Variants in CDYL2 observed in about 807,000 individuals in gnomAD.
The protein encoded by CDYL2 is chromodomain Y like 2.
CDYL2 carries 23 observed loss-of-function variants against 49.4 expected under a neutral mutation model. That is an observed-to-expected ratio of 0.47 (90% CI 0.34 to 0.66). The LOEUF is 0.66. CDYL2 is among the 30% of genes least tolerant of loss of function. The pLI, the probability that CDYL2 is intolerant of heterozygous loss-of-function variation, is 0.01. For missense variants in CDYL2, 678 were observed against 656.4 expected (o/e 1.03, Z -0.36); for synonymous variants, 360 against 268.8 (o/e 1.34, Z -3.32).
chr16:80,750,680 C>A (rs2142562544), intron 1 of CDYL2, among the ~76,000 whole-genome samples: 1 of 152,140 alleles, frequency 6.6e-6, no homozygotes, highest in South Asian at 2.1e-4. Flanking sequence ...TGCCAAAGAA[C>A]AACTATGAAG....
intron 1 of CDYL2, among the ~76,000 whole-genome samples, chr16:80,707,789 C>G (rs1347576314): frequency 1.3e-5 from 2 of 152,176 alleles, no homozygotes; most frequent in African/African-American, 2.4e-5. Flanking sequence ...TACAGTTTAT[C>G]TGAACCCTGG....
intron 1 of CDYL2, among the ~76,000 whole-genome samples, chr16:80,719,101 G>A (rs1007527581): frequency 8.5e-5 from 13 of 152,142 alleles, no homozygotes; most frequent in Non-Finnish European, 2.9e-5. Context: ...CATTCCTTCA[G>A]CAAGTACTGA....
intron 6 of CDYL2, among the ~76,000 whole-genome samples, chr16:80,605,812 C>A (rs190930073): frequency 1.6e-4 from 25 of 152,278 alleles, no homozygotes; most frequent in Non-Finnish European, 2.8e-4. Context: ...AAATACTTTT[C>A]CTGAATTCTT....
At chr16:80,711,247 G>A (rs1245918947) in intron 1 of CDYL2, among the ~76,000 whole-genome samples, 1 of 152,200 alleles carries the variant, frequency 6.6e-6, no homozygotes, top group East Asian at 1.9e-4. Flanking sequence ...AACAAGAAGT[G>A]GGGCATTTTC....
At chr16:80,624,973 A>G (rs2123280) in intron 3 of CDYL2, among the ~76,000 whole-genome samples, 13,451 of 152,256 alleles carry the variant, frequency 0.088, 1,172 homozygotes, top group East Asian at 0.3. Flanking sequence ...TTGGTGCTGT[A>G]GGGATTCTAT....
At chr16:80,625,750 C>T (rs13329877) in intron 3 of CDYL2, among the ~76,000 whole-genome samples, 63,803 of 151,948 alleles carry the variant, frequency 0.42, 15,525 homozygotes, top group African/African-American at 0.68. Flanking sequence ...AATATTTAAC[C>T]GGAGGCAAAT....
intron 1 of CDYL2, among the ~76,000 whole-genome samples, chr16:80,741,846 T>C (rs1242129254): frequency 6.6e-6 from 1 of 152,238 alleles, no homozygotes; most frequent in Non-Finnish European, 1.5e-5. Context: ...TGGACTAATT[T>C]ACAACATTCC....
intron 2 of CDYL2, among the ~76,000 whole-genome samples, chr16:80,677,271 CA>C (rs1307762816): frequency 1.3e-5 from 2 of 152,114 alleles, no homozygotes; most frequent in East Asian, 3.9e-4. Context: ...ACTCCTGGCC[CA>C]ATTTCTTTAA....
At chr16:80,711,049 A>T (rs942685149) in intron 1 of CDYL2, among the ~76,000 whole-genome samples, 2 of 152,236 alleles carry the variant, frequency 1.3e-5, no homozygotes, top group African/African-American at 4.8e-5. Context: ...TGGAAACAAT[A>T]GTCCCTTTGC....
At chr16:80,799,113 A>G (rs1378912801) in intron 1 of CDYL2, among the ~76,000 whole-genome samples, 1 of 152,138 alleles carries the variant, frequency 6.6e-6, no homozygotes, top group Non-Finnish European at 1.5e-5. Flanking sequence ...TTTAAATTAC[A>G]TAAACATGTG....
chr16:80,658,854 G>C (rs1597153792), intron 2 of CDYL2, among the ~76,000 whole-genome samples: 1 of 151,684 alleles, frequency 6.6e-6, no homozygotes, highest in East Asian at 1.9e-4. Context: ...CTTTGGGCTA[G>C]AAAATCTTAT....
At chr16:80,765,325 A>T (rs1906683150) in intron 1 of CDYL2, among the ~76,000 whole-genome samples, 1 of 151,810 alleles carries the variant, frequency 6.6e-6, no homozygotes, top group Non-Finnish European at 1.5e-5. Context: ...TGTAAGTTTA[A>T]AGGTTATGAC....
intron 1 of CDYL2, among the ~76,000 whole-genome samples, chr16:80,724,531 C>T (rs1312329289): frequency 6.6e-6 from 1 of 152,204 alleles, no homozygotes; most frequent in Non-Finnish European, 1.5e-5. Context: ...TAACACTCTC[C>T]ACCCACCTCA....
intron 3 of CDYL2, chr16:80,628,378 G>C (rs1368164736): frequency 2.0e-5 from 3 of 152,202 alleles, no homozygotes; most frequent in East Asian, 3.8e-4. Flanking sequence ...CTCTTTCTTG[G>C]AGTTCTTGCT....
chr16:80,599,827 T>C lies in CDYL2; in HGVS notation c.*4561A>G, dbSNP rs1180053430. The C allele has an allele frequency of 6.6e-6, 1 of 152,176 alleles. No individual in the cohort carries two copies. The highest frequency in any genetic ancestry group is 2.4e-5 in the African/African-American group (1 of 41,442). 9.4% of individuals were successfully genotyped at this position (152,176 alleles called of 1,614,324 possible). On this transcript the variant is annotated 3_prime_UTR_variant, in exon 7 of 7. Coordinates refer to ENST00000570137, the MANE Select transcript of CDYL2 (RefSeq NM_152342.4). ...CTAAACCATGTTTACAGTATGAAGG[T>C]GTCTCTGGAAAACCTATCCTTGGTC... is the stretch of plus-strand genomic sequence containing the variant.
chr16:80,720,678 A>C (rs531895258), intron 1 of CDYL2, among the ~76,000 whole-genome samples: 152 of 152,264 alleles, frequency 1.0e-3, no homozygotes, highest in African/African-American at 3.5e-3. Context: ...TTCAGGGTGC[A>C]TTTTCCTCTT....
intron 3 of CDYL2, among the ~76,000 whole-genome samples, chr16:80,629,089 T>C (rs1172642743): frequency 6.6e-6 from 1 of 152,100 alleles, no homozygotes; most frequent in East Asian, 1.9e-4. Context: ...GGCTGCACGA[T>C]GAGGCGGGAC....
chr16:80,759,805 A>G (rs1303403140), intron 1 of CDYL2, among the ~76,000 whole-genome samples: 5 of 152,200 alleles, frequency 3.3e-5, no homozygotes, highest in African/African-American at 9.7e-5. Flanking sequence ...CACACTTGTA[A>G]AAGATTCCCT....
chr16:80,622,292 G>A (rs1597129451), intron 3 of CDYL2, among the ~76,000 whole-genome samples: 1 of 152,116 alleles, frequency 6.6e-6, no homozygotes, highest in African/African-American at 2.4e-5. Context: ...CGTCTTCCCT[G>A]GGCCAAGCCT....
Sources: gnomAD v4.1 joint callset for allele counts (sites outside exome capture counted in the v4.1 genomes callset) on GRCh38, gnomAD v4.1.1 for gene constraint, MANE v1.5 for transcripts, NCBI Gene and HGNC (gene_info 2026-07-23, HGNC 2026-07-21) for gene names.